DAB1: variants seen among roughly 807,000 people sequenced by gnomAD.
The protein encoded by DAB1 is DAB adaptor protein 1.
In DAB1, 15 loss-of-function variants were observed where a neutral mutation model predicts 64.6. The ratio of observed to expected loss-of-function variants is 0.23; its 90% CI spans 0.16 to 0.36. The LOEUF (loss-of-function observed/expected upper bound fraction) is 0.36, where lower values mean the gene tolerates loss of function less well. Among genes scored for constraint, DAB1 ranks in the 10% least tolerant of loss-of-function variants. The pLI, the probability that DAB1 is intolerant of heterozygous loss-of-function variation, is 1.00. For synonymous variants in DAB1, 235 were observed against 251.9 expected (o/e 0.93, Z 0.64); for missense variants, 596 against 706.7 (o/e 0.84, Z 1.78).
chr1:57,033,955 G>A lies in DAB1; in HGVS notation c.724-7912C>T, dbSNP rs963054358. Among the ~76,000 whole-genome samples the A allele has an allele frequency of 7.2e-5, 11 of 152,266 alleles. 1 individual carries two copies. In the South Asian group the frequency reaches 1.0e-3, roughly 14 times the overall value. On this transcript the variant is annotated intron_variant, in intron 9 of 14. Transcript: ENST00000371236. ...CAAACTTTACAGCTGGTTTCCATGT[G>A]TTTTTATACATGTTGTCTTCTCTGC...
At chr1:57,557,448 G>A (rs891535419) in intron 7 of DAB1, among the ~76,000 whole-genome samples, 4 of 151,376 alleles carry the variant, frequency 2.6e-5, no homozygotes, top group Admixed American at 1.3e-4. Context: ...ACACATATAT[G>A]TATACATATA....
intron 5 of DAB1, among the ~76,000 whole-genome samples, chr1:58,025,655 A>G (rs200001482): frequency 0.024 from 1,761 of 72,916 alleles, 16 homozygotes; most frequent in South Asian, 0.051. Flanking sequence ...ATGTGTGTAT[A>G]TATATATATA....
Position 57,024,507 on chromosome 1 carries a change from T to C in DAB1, c.787-868A>G, listed in dbSNP as rs139287221. ...GGGCAAGCAATTAATCCTGAAATCA[T>C]GGCAATTAGACAAGGCCATTTTTAG... On this transcript the variant is annotated intron_variant, in intron 10 of 14. Transcript: ENST00000371236. 7.1e-3 allele frequency among the ~76,000 whole-genome samples: 1,078 copies of C among 152,284 alleles called. 6 individuals carry two copies. Among genetic ancestry groups the C allele is most frequent in the Non-Finnish European group, 0.011 (754 of 68,018 alleles).
chr1:57,781,116 CTCTCTCTCTCTATA>C (rs1463305926), intron 6 of DAB1, among the ~76,000 whole-genome samples: 32 of 59,008 alleles, frequency 5.4e-4, no homozygotes, highest in Non-Finnish European at 6.8e-4. Flanking sequence ...CTCTCTCTCT[CTCTCTCTCTCTATA>C]TATATATATA....
chr1:57,967,058 CAT>C (rs1156989204), intron 5 of DAB1, among the ~76,000 whole-genome samples: 1 of 152,166 alleles, frequency 6.6e-6, no homozygotes, highest in Non-Finnish European at 1.5e-5. Flanking sequence ...CACATACATG[CAT>C]ACACACACAC....
intron 4 of DAB1, among the ~76,000 whole-genome samples, chr1:57,120,465 C>A (rs1227591188): frequency 6.6e-6 from 1 of 152,064 alleles, no homozygotes; most frequent in African/African-American, 2.4e-5. Context: ...TAAAATACAC[C>A]TAAGATTGAC....
chr1:58,248,088 GA>G (rs71580861), intron 4 of DAB1, among the ~76,000 whole-genome samples: 2,365 of 148,006 alleles, frequency 0.016, 55 homozygotes, highest in African/African-American at 0.054. Context: ...CCAAATTCAA[GA>G]AAAAAAAAAA....
At chr1:57,262,978 A>AT (rs1413334939) in intron 2 of DAB1, among the ~76,000 whole-genome samples, 2 of 152,210 alleles carry the variant, frequency 1.3e-5, no homozygotes, top group Non-Finnish European at 2.9e-5. Flanking sequence ...GTGTGGTGGT[A>AT]TAAGGGGCTA....
chr1:57,394,214 T>C (rs1332552583), intron 1 of DAB1, among the ~76,000 whole-genome samples: 2 of 152,230 alleles, frequency 1.3e-5, no homozygotes, highest in Non-Finnish European at 2.9e-5. Flanking sequence ...TTAACACAGG[T>C]TGAAGTACGT....
chr1:57,149,820 C>G (rs995244646), intron 2 of DAB1, among the ~76,000 whole-genome samples: 1 of 152,080 alleles, frequency 6.6e-6, no homozygotes, highest in East Asian at 1.9e-4. Flanking sequence ...GAGTAGATGT[C>G]TTATGGATAA....
intron 7 of DAB1, among the ~76,000 whole-genome samples, chr1:57,483,633 T>C (rs1017612653): frequency 2.0e-5 from 3 of 152,062 alleles, no homozygotes; most frequent in Non-Finnish European, 4.4e-5. Flanking sequence ...TTTTTTTGAG[T>C]CAGGGTCTTG....
chr1:57,517,914 G>A (rs1444714603), intron 7 of DAB1, among the ~76,000 whole-genome samples: 1 of 152,164 alleles, frequency 6.6e-6, no homozygotes, highest in Admixed American at 6.5e-5. Flanking sequence ...AGGCCACTTG[G>A]TTCAGCTTTC....
At chr1:57,993,187 G>A (rs1195869147) in intron 5 of DAB1, among the ~76,000 whole-genome samples, 1 of 152,016 alleles carries the variant, frequency 6.6e-6, no homozygotes, top group African/African-American at 2.4e-5. Flanking sequence ...ATTTCTCCTG[G>A]TATTCTTTGC....
intron 5 of DAB1, among the ~76,000 whole-genome samples, chr1:58,029,059 AG>A (rs780857854): frequency 1.7e-4 from 26 of 152,160 alleles, no homozygotes; most frequent in Non-Finnish European, 3.1e-4. Context: ...ACAAACATAA[AG>A]GGTTGTTATA....
intron 5 of DAB1, among the ~76,000 whole-genome samples, chr1:58,039,798 G>T (rs900424252): frequency 6.6e-6 from 1 of 152,008 alleles, no homozygotes; most frequent in Non-Finnish European, 1.5e-5. Context: ...TTTCTACAGG[G>T]ATAATAAAAG....
Position 57,463,858 on chromosome 1 carries a change from G to A in DAB1, n.626-172692C>T, listed in dbSNP as rs562382472. ...GTGCACACAGACATAAATAAGACAC[G>A]GCACTTGTCTACAAAGAGCTGATAA... On this transcript the variant is annotated intron_variant and non_coding_transcript_variant, in intron 7 of 20. Transcript: ENST00000485760. Among the ~76,000 whole-genome samples the A allele has an allele frequency of 7.9e-5, 12 of 152,188 alleles. No individual in the cohort carries two copies. The South Asian group carries it at 2.1e-3, about 26-fold the overall frequency.
rs371626866 is a variant in DAB1, at chr1:57,695,523, T to C, written n.552-45858A>G. Among the ~76,000 whole-genome samples, 20 of 152,208 alleles carry C rather than the reference T, an allele frequency of 1.3e-4. No individual in the cohort carries two copies. In the South Asian group the frequency reaches 3.1e-3, roughly 24 times the overall value. On this transcript the variant is annotated intron_variant and non_coding_transcript_variant, in intron 6 of 20. Coordinates refer to the DAB1 transcript ENST00000485760. Reference sequence around the variant, plus strand: ...AACTAGAGGAAAGGTTTCAGCAAAATATAAGGAAGGACTTTCCAATCAGGA... The same window carrying C: ...AACTAGAGGAAAGGTTTCAGCAAAACATAAGGAAGGACTTTCCAATCAGGA...
Position 57,201,312 on chromosome 1 carries a change from C to T in DAB1, c.68-55883G>A, listed in dbSNP as rs190022997. Among the ~76,000 whole-genome samples, 39 of 152,056 alleles carry T rather than the reference C, an allele frequency of 2.6e-4. No homozygotes were observed. In the East Asian group the frequency reaches 4.1e-3, roughly 16 times the overall value. The stretch of plus-strand genomic sequence containing the variant: ...CTCTTCTGAAACTTAAGTGTGTCTA[C>T]AGCCTTTATTGAATGAAGGCATCCA... On this transcript the variant is annotated intron_variant, in intron 2 of 14. Coordinates refer to ENST00000371236, the MANE Select transcript of DAB1 (RefSeq NM_001365792.1).
upstream of DAB1, among the ~76,000 whole-genome samples, chr1:57,426,573 T>G (rs1417497548): frequency 1.3e-5 from 2 of 152,194 alleles, no homozygotes; most frequent in South Asian, 4.1e-4. Flanking sequence ...AACGTTTCTT[T>G]ATCATCTACC....
Sources: gnomAD v4.1 joint callset for allele counts (sites outside exome capture counted in the v4.1 genomes callset) on GRCh38, gnomAD v4.1.1 for gene constraint, MANE v1.5 for transcripts, NCBI Gene and HGNC (gene_info 2026-07-23, HGNC 2026-07-21) for gene names.